Variants in IL4I1 observed in about 807,000 individuals in gnomAD.
The protein encoded by IL4I1 is L-amino-acid oxidase.
In IL4I1, 24 loss-of-function variants were observed where a neutral mutation model predicts 29.7. The observed-to-expected ratio is 0.81, with a 90% confidence interval of 0.59 to 1.14. The LOEUF (loss-of-function observed/expected upper bound fraction) is 1.14. IL4I1 is among the 50% of genes most tolerant of loss of function. The pLI is 0.00. For synonymous variants in IL4I1, 371 were observed against 352.5 expected (o/e 1.05, Z -0.59); for missense variants, 686 against 785.6 (o/e 0.87, Z 1.52).
intron 5 of IL4I1, among the ~76,000 whole-genome samples, chr19:49,892,851 T>C (rs956132589): frequency 2.6e-5 from 4 of 152,126 alleles, no homozygotes; most frequent in African/African-American, 4.8e-5. Context: ...GCAAGTGGGC[T>C]CTGACCTGGG....
chr19:49,895,611 G>T (rs1205083609), intron 3 of IL4I1, among the ~76,000 whole-genome samples: 1 of 152,180 alleles, frequency 6.6e-6, no homozygotes, highest in Non-Finnish European at 1.5e-5. Flanking sequence ...AAAAACGTGG[G>T]ACAGGAAAGT....
chr19:49,902,444 C>T, intron 3 of IL4I1, among the ~76,000 whole-genome samples: 1 of 150,664 alleles, frequency 6.6e-6, no homozygotes, highest in Admixed American at 6.6e-5. Context: ...ACTGCAAGCT[C>T]CGGATGGCAG....
At chr19:49,912,365 C>A (rs918814629) in intron 2 of IL4I1, among the ~76,000 whole-genome samples, 3 of 152,112 alleles carry the variant, frequency 2.0e-5, no homozygotes, top group African/African-American at 7.2e-5. Context: ...GATGGGGTTT[C>A]TCCATGTTGG....
intron 2 of IL4I1, chr19:49,907,311 G>C (rs2075343280): frequency 3.2e-6 from 1 of 312,886 alleles, no homozygotes; most frequent in African/African-American, 2.3e-5. Context: ...TGAGGCCCAA[G>C]GTGGGGGTGA....
chr19:49,893,437 A>T (rs1356270102), intron 5 of IL4I1, among the ~76,000 whole-genome samples: 2 of 151,890 alleles, frequency 1.3e-5, no homozygotes, highest in African/African-American at 4.8e-5. Context: ...TCTGCCCGTG[A>T]CTGCGGGATG....
chr19:49,895,243 C>T, intron 3 of IL4I1, 63 bp from the exon 4 acceptor site: 8 of 1,358,600 alleles, frequency 5.9e-6, no homozygotes, highest in Non-Finnish European at 8.3e-6. Context: ...CCCCTGCCCT[C>T]TACCACCCCG....
intron 3 of IL4I1, 27 bp downstream of exon 3, chr19:49,895,788 A>G (rs1440971940): frequency 1.4e-6 from 2 of 1,473,172 alleles, no homozygotes; most frequent in Non-Finnish European, 1.8e-6. Flanking sequence ...GAGGGACTCC[A>G]GGTAGACTGC....
At chr19:49,911,660 A>T (rs2122626009) in intron 2 of IL4I1, among the ~76,000 whole-genome samples, 1 of 152,308 alleles carries the variant, frequency 6.6e-6, no homozygotes, top group Non-Finnish European at 1.5e-5. Context: ...CCCCAGGGCC[A>T]GCTGCACACG....
intron 2 of IL4I1, chr19:49,909,334 G>A (rs912863150): frequency 1.2e-6 from 2 of 1,613,898 alleles, no homozygotes; most frequent in Admixed American, 1.7e-5. Context: ...CAGTGAATGA[G>A]AAGCCTCCAG....
chr19:49,906,318 T>A (rs2075323271), intron 2 of IL4I1, among the ~76,000 whole-genome samples: 1 of 152,112 alleles, frequency 6.6e-6, no homozygotes, highest in Non-Finnish European at 1.5e-5. Context: ...AAATGATCCT[T>A]CCATCTCAGC....
intron 2 of IL4I1, among the ~76,000 whole-genome samples, chr19:49,906,099 A>G (rs1411606397): frequency 6.6e-6 from 1 of 152,164 alleles, no homozygotes; most frequent in Non-Finnish European, 1.5e-5. Context: ...TGGAGGGTGG[A>G]GGAAGAGCAT....
At chr19:49,915,617 G>A (rs1209527514) in intron 2 of IL4I1, among the ~76,000 whole-genome samples, 1 of 152,248 alleles carries the variant, frequency 6.6e-6, no homozygotes, top group South Asian at 2.1e-4. Context: ...GTTGAGGGAC[G>A]ATGGAGAAAG....
At chr19:49,895,209 C>A in intron 3 of IL4I1, 29 bp from the exon 4 acceptor site, 1 of 1,575,720 alleles carries the variant, frequency 6.3e-7, no homozygotes, top group Non-Finnish European at 8.7e-7. Context: ...CGAGGAGGGC[C>A]CTTCAGCTCC....
In IL4I1 at chr19:49,890,420, C is replaced by T. The variant is rs750623787; in HGVS notation, c.954G>A (p.Val318=). 20 of 1,610,028 alleles carry T rather than the reference C, an allele frequency of 1.2e-5. No individual in the cohort carries two copies. The Middle Eastern group carries it at 6.6e-4, about 53-fold the overall frequency. Residue 318 remains valine, a synonymous_variant, in exon 8 of 8, where the codon GTG becomes GTA. Transcript: ENST00000391826. ...RNLKVLKADV[V]LLTASGPAVK... ...CCGCCGGTCCGCTCGCCGTCAGCAG[C>T]ACCACGTCGGCCTTCAGCACCTTCA...
chr19:49,897,778 G>A (rs946838490), upstream of IL4I1, among the ~76,000 whole-genome samples: 17 of 152,116 alleles, frequency 1.1e-4, no homozygotes, highest in Non-Finnish European at 5.9e-5. Context: ...GGAGCCAGGG[G>A]CTCCGTGAGG....
In IL4I1 at chr19:49,889,793, C is replaced by CTGCCCCTCCATGTCAGATGCG. The variant is rs767493621; in HGVS notation, c.1560_1580dup (p.His520_Gly526dup). 1.3e-6 allele frequency: 2 copies of CTGCCCCTCCATGTCAGATGCG among 1,541,282 alleles called. No homozygotes were observed. The highest frequency in any genetic ancestry group is 2.1e-5 in the Admixed American group (1 of 48,400). On this transcript the variant is annotated inframe_insertion, in exon 8 of 8. Coordinates refer to ENST00000391826, the MANE Select transcript of IL4I1 (RefSeq NM_152899.2). ...TGCTGGCCACCCCATGCACATGCCCCTGCCCCTCCATGTCAGATGCGTGCC... is the reference window on the plus strand; with the variant it reads ...TGCTGGCCACCCCATGCACATGCCCCTGCCCCTCCATGTCAGATGCGTGCCCCTCCATGTCAGATGCGTGCC...
intron 2 of IL4I1, chr19:49,908,464 G>A: frequency 1.9e-6 from 3 of 1,614,152 alleles, no homozygotes; most frequent in Non-Finnish European, 1.7e-6. Flanking sequence ...TGAGATCCTG[G>A]GCCATGCGCT....
chr19:49,924,508 T>C (rs1388941793), intron 2 of IL4I1, among the ~76,000 whole-genome samples: 1 of 152,000 alleles, frequency 6.6e-6, no homozygotes, highest in Non-Finnish European at 1.5e-5. Context: ...AACCACCGCC[T>C]CACTCCCCAA....
Position 49,909,015 on chromosome 19 carries a change from A to G in IL4I1, c.-227-4694T>C, listed in dbSNP as rs1223433229. On this transcript the variant is annotated intron_variant, in intron 2 of 9. Transcript: ENST00000341114. Reference sequence around the variant, plus strand: ...GTGGATGTTGTTGTGGAGGTGCCGGAAGCTGCTCCAGGTGCCTTTAAGCTG... The same window carrying G: ...GTGGATGTTGTTGTGGAGGTGCCGGGAGCTGCTCCAGGTGCCTTTAAGCTG... 1.9e-6 allele frequency: 3 copies of G among 1,612,432 alleles called. No individual in the cohort carries two copies. The African/African-American group carries it at 4.0e-5, about 22-fold the overall frequency.
Sources: allele counts gnomAD v4.1 joint callset (sites outside exome capture counted in the v4.1 genomes callset), GRCh38; gene constraint gnomAD v4.1.1; transcripts MANE v1.5; gene names NCBI Gene and HGNC (gene_info 2026-07-23, HGNC 2026-07-21).